The following PUDP variants were observed in gnomAD, a reference collection of about 807,000 sequenced individuals.
PUDP encodes pseudouridine-5'-phosphatase.
Under a neutral mutation model 9.4 loss-of-function variants are expected in PUDP, and 8 were observed. The ratio of observed to expected loss-of-function variants is 0.85; its 90% CI spans 0.50 to 1.53. The LOEUF is 1.53. Ranked by LOEUF, PUDP falls within the 40% of genes most tolerant of loss-of-function variation. The pLI is 0.00. For missense variants in PUDP, 188 were observed against 189.7 expected, an observed-to-expected ratio of 0.99 and a Z score of 0.05; for synonymous variants, 99 against 80.7, an observed-to-expected ratio of 1.23 and a Z score of -1.22.
intron 3 of PUDP, among the ~76,000 whole-genome samples, chrX:6,841,027 C>T (rs1226311199): frequency 1.8e-5 from 2 of 111,697 alleles, no homozygotes; most frequent in East Asian, 2.8e-4. Context: ...GCCTGTAATC[C>T]CAGCACTTTG....
intron 1 of PUDP, among the ~76,000 whole-genome samples, chrX:7,023,336 G>T (rs1929659725): frequency 8.9e-6 from 1 of 112,014 alleles, no homozygotes. Flanking sequence ...GGCATGCAAA[G>T]AAGCAGGAAA....
intron 3 of PUDP, among the ~76,000 whole-genome samples, chrX:7,072,675 G>A (rs1245716128): frequency 1.8e-5 from 2 of 109,461 alleles, no homozygotes; most frequent in Middle Eastern, 4.8e-3. Flanking sequence ...TTAGCCGGGC[G>A]TGGTGGCGTG....
chrX:7,147,176 T>C (rs761126728), intron 1 of PUDP, among the ~76,000 whole-genome samples: 2 of 110,905 alleles, frequency 1.8e-5, no homozygotes, highest in East Asian at 2.9e-4. Context: ...CTCGGATTGA[T>C]AGAGCAGCTG....
chrX:6,895,211 G>A (rs1466753765), intron 3 of PUDP, among the ~76,000 whole-genome samples: 2 of 106,017 alleles, frequency 1.9e-5, no homozygotes, highest in East Asian at 6.0e-4. Flanking sequence ...ACCAAATATT[G>A]TGTAGGCTGT....
intron 1 of PUDP, among the ~76,000 whole-genome samples, chrX:6,718,043 A>AT (rs766425461): frequency 2.9e-5 from 3 of 105,208 alleles, no homozygotes; most frequent in Non-Finnish European, 5.9e-5. Flanking sequence ...CTACTTTTTA[A>AT]TTTTTTTTTT....
intron 1 of PUDP, among the ~76,000 whole-genome samples, chrX:7,109,024 G>T (rs940809249): frequency 8.9e-6 from 1 of 112,129 alleles, no homozygotes; most frequent in Non-Finnish European, 1.9e-5. Context: ...GTTTGTAGAA[G>T]TCGAAGTTCA....
At chrX:7,142,305 G>A (rs1418676787) in intron 1 of PUDP, among the ~76,000 whole-genome samples, 1 of 112,290 alleles carries the variant, frequency 8.9e-6, no homozygotes, top group African/African-American at 3.2e-5. Flanking sequence ...ATGTTAACAG[G>A]AGTTTGTAAG....
At chrX:6,740,255 T>C (rs773425359) in intron 3 of PUDP, among the ~76,000 whole-genome samples, 22 of 111,895 alleles carry the variant, frequency 2.0e-4, no homozygotes, top group African/African-American at 6.9e-4. Flanking sequence ...TCTGGTATTT[T>C]ATTTGGTATT....
chrX:6,784,570 T>A (rs1399959710), intron 3 of PUDP, among the ~76,000 whole-genome samples: 1 of 111,820 alleles, frequency 8.9e-6, no homozygotes, highest in Non-Finnish European at 1.9e-5. Flanking sequence ...AATTACCTGT[T>A]CATCTTCGTT....
intron 1 of PUDP, among the ~76,000 whole-genome samples, chrX:7,109,098 G>A (rs1433885046): frequency 2.7e-5 from 3 of 112,021 alleles, no homozygotes; most frequent in African/African-American, 9.7e-5. Flanking sequence ...CCCTACAGAA[G>A]CTGCAGAACA....
At chrX:6,805,280 A>G (rs188316378) in intron 3 of PUDP, among the ~76,000 whole-genome samples, 351 of 110,472 alleles carry the variant, frequency 3.2e-3, no homozygotes, top group Non-Finnish European at 5.1e-3. Flanking sequence ...TTAAAAAAAT[A>G]AAAATAAAAA....
intron 3 of PUDP, among the ~76,000 whole-genome samples, chrX:6,803,065 A>C (rs59121751): frequency 2.8e-5 from 2 of 71,461 alleles, no homozygotes; most frequent in Admixed American, 1.7e-4. Flanking sequence ...TAAAATATAA[A>C]ATAAAATAAA....
chrX:7,057,789 T>G, intron 3 of PUDP: 6 of 1,154,790 alleles, frequency 5.2e-6, no homozygotes, highest in Non-Finnish European at 6.9e-6. Context: ...CTGGCATTTC[T>G]GTGCGGTGAG....
At chrX:7,025,054 T>A (rs189725733) in intron 1 of PUDP, among the ~76,000 whole-genome samples, 16 of 111,514 alleles carry the variant, frequency 1.4e-4, no homozygotes, top group African/African-American at 3.9e-4. Context: ...CAGGAGTGAA[T>A]CTGCCCAGGC....
At chrX:6,978,595 G>A (rs374729449) in intron 1 of PUDP, among the ~76,000 whole-genome samples, 7 of 111,324 alleles carry the variant, frequency 6.3e-5, no homozygotes, top group African/African-American at 2.3e-4. Flanking sequence ...GACAGATGAC[G>A]TAACAAAAAA....
intron 3 of PUDP, among the ~76,000 whole-genome samples, chrX:6,938,737 A>G (rs1403739783): frequency 9.2e-6 from 1 of 108,523 alleles, no homozygotes; most frequent in Non-Finnish European, 1.9e-5. Flanking sequence ...ATGCCAATTT[A>G]AGAACCACCT....
intron 3 of PUDP, among the ~76,000 whole-genome samples, chrX:6,970,934 C>T (rs1370854570): frequency 9.0e-6 from 1 of 110,646 alleles, no homozygotes; most frequent in Non-Finnish European, 1.9e-5. Flanking sequence ...GCCTGTAATC[C>T]CAGCTACTCA....
chrX:7,023,687 T>C (rs1417172385), intron 1 of PUDP, among the ~76,000 whole-genome samples: 2 of 112,371 alleles, frequency 1.8e-5, no homozygotes, highest in African/African-American at 6.5e-5. Context: ...GAGTCTATGC[T>C]GTTCCATTGA....
intron 3 of PUDP, among the ~76,000 whole-genome samples, chrX:6,970,336 T>C (rs868345079): frequency 1.8e-5 from 2 of 112,377 alleles, no homozygotes; most frequent in African/African-American, 3.2e-5. Flanking sequence ...CATTTTAGAA[T>C]GCAATGACTA....
Sources: gnomAD v4.1 joint callset for allele counts (sites outside exome capture counted in the v4.1 genomes callset) on GRCh38, gnomAD v4.1.1 for gene constraint, MANE v1.5 for transcripts, NCBI Gene and HGNC (gene_info 2026-07-23, HGNC 2026-07-21) for gene names.